Variants in SENP2 observed in about 807,000 individuals in gnomAD.
SENP2 encodes sentrin-specific protease 2.
A neutral mutation model predicts 86.3 loss-of-function variants in SENP2; 16 were observed. The ratio of observed to expected loss-of-function variants is 0.19; its 90% CI spans 0.13 to 0.28. The LOEUF is 0.28. Among genes scored for constraint, SENP2 ranks in the 10% least tolerant of loss-of-function variants. The pLI is 1.00. For missense variants in SENP2, 552 were observed against 703.0 expected, an observed-to-expected ratio of 0.79 and a Z score of 2.43; for synonymous variants, 222 against 238.7, an observed-to-expected ratio of 0.93 and a Z score of 0.64.
Position 185,600,998 on chromosome 3 carries a change from G to A in SENP2, c.449+143G>A, listed in dbSNP as rs555907311. On this transcript the variant is annotated intron_variant, in intron 5 of 16. Transcript: ENST00000296257. ...ACTTGCTGAATGTCATGCAGCCAGT[G>A]AGAGACTTGAACTTAGGGGTGTGTT... 8 of 572,034 alleles carry A rather than the reference G, an allele frequency of 1.4e-5. No homozygotes were observed. The East Asian group carries it at 2.1e-4, about 15-fold the overall frequency. The allele number at this position is 572,034 out of a possible 1,614,324, so 35.4% of individuals were successfully genotyped here.
intron 9 of SENP2, among the ~76,000 whole-genome samples, chr3:185,612,946 G>C (rs1722743298): frequency 6.6e-6 from 1 of 152,222 alleles, no homozygotes; most frequent in African/African-American, 2.4e-5. Context: ...AGTGTCTTTA[G>C]GATAGGAACA....
chr3:185,626,665 C>G (rs972120668), intron 16 of SENP2, among the ~76,000 whole-genome samples: 1 of 151,316 alleles, frequency 6.6e-6, no homozygotes, highest in African/African-American at 2.4e-5. Flanking sequence ...CCCAGCTACT[C>G]AGGAGACTGA....
Position 185,618,438 on chromosome 3 carries a change from T to A in SENP2, c.1242+827T>A, listed in dbSNP as rs182143576. On this transcript the variant is annotated intron_variant, in intron 12 of 16. Transcript: ENST00000296257. ...CGAACTGCTTAGCCCCTGCATGTTC[T>A]CTCTTTGAGGGAAGTCCCCTATGAC... is the stretch of plus-strand genomic sequence containing the variant. 1.5e-3 allele frequency among the ~76,000 whole-genome samples: 230 copies of A among 152,360 alleles called. 1 individual carries two copies. Among genetic ancestry groups the A allele is most frequent in the African/African-American group, 5.0e-3 (209 of 41,584 alleles).
At chr3:185,598,590 TA>T in intron 3 of SENP2, 45 bp downstream of exon 3, 1 of 1,551,786 alleles carries the variant, frequency 6.4e-7, no homozygotes, top group Non-Finnish European at 8.7e-7. Context: ...TCTTTATACT[TA>T]ATCATTATAT....
intron 14 of SENP2, 87 bp from the exon 15 acceptor site, chr3:185,623,911 G>T: frequency 3.3e-6 from 2 of 608,578 alleles, no homozygotes; most frequent in South Asian, 2.9e-5. Context: ...TGGCATATCT[G>T]TTTAACATCA....
chr3:185,621,273 A>AT (rs1226649865), intron 13 of SENP2, among the ~76,000 whole-genome samples: 1 of 146,860 alleles, frequency 6.8e-6, no homozygotes, highest in East Asian at 1.9e-4. Context: ...AGGACCACTA[A>AT]TTTTTTAACT....
intron 5 of SENP2, among the ~76,000 whole-genome samples, chr3:185,603,617 T>C (rs6444076): frequency 0.29 from 43,783 of 152,080 alleles, 6,726 homozygotes; most frequent in African/African-American, 0.39. Context: ...GATATTTGAA[T>C]ACGGGCTACA....
chr3:185,606,913 G>T, intron 6 of SENP2: 1 of 342,294 alleles, frequency 2.9e-6, no homozygotes, highest in Non-Finnish European at 5.7e-6. Context: ...AAAATTAAAA[G>T]ACTAAAAAGA....
chr3:185,628,559 T>C (rs1712257517), intron 16 of SENP2, among the ~76,000 whole-genome samples: 1 of 152,282 alleles, frequency 6.6e-6, no homozygotes, highest in Non-Finnish European at 1.5e-5. Flanking sequence ...CAGGCTGGAG[T>C]GCAATGGCGC....
At position 185,586,295 on chromosome 3, in the gene SENP2, A is replaced by G; in HGVS notation, c.-119A>G. ...TATCTGTGGGCTCTTGAATCGCGTC[A>G]CAAATCAGCGACCGAACTCTGGCGG... On this transcript the variant is annotated 5_prime_UTR_variant, in exon 1 of 17. Transcript: ENST00000296257. This position sits in a 1 kb window ranked among gnomAD's most constrained non-coding sequence, Gnocchi z 4.3. 6.4e-7 allele frequency: 1 copy of G among 1,556,454 alleles called. No homozygotes were observed. Among genetic ancestry groups the G allele is most frequent in the South Asian group, 1.2e-5 (1 of 84,782 alleles).
Position 185,609,433 on chromosome 3 carries a change from T to A in SENP2, c.722+83T>A. ...GAGAAAGTATTGGTGGGAAGGGCTT[T>A]ACTGAAAGAAGAGGTTAACCCTGAG... On this transcript the variant is annotated intron_variant, in intron 7 of 16. Coordinates refer to ENST00000296257, the MANE Select transcript of SENP2 (RefSeq NM_021627.3). The A allele has an allele frequency of 3.1e-6, 3 of 975,928 alleles. No homozygotes were observed. The South Asian group carries it at 4.2e-5, about 14-fold the overall frequency. The allele number at this position is 975,928 out of a possible 1,614,324, so 60.5% of individuals were successfully genotyped here.
intron 16 of SENP2, among the ~76,000 whole-genome samples, chr3:185,627,907 G>T (rs1455192707): frequency 1.3e-5 from 2 of 152,116 alleles, no homozygotes; most frequent in Non-Finnish European, 2.9e-5. Context: ...TGTATTCCAT[G>T]AATACAAACT....
chr3:185,615,030 G>C (rs1236605331), intron 11 of SENP2, among the ~76,000 whole-genome samples: 1 of 152,042 alleles, frequency 6.6e-6, no homozygotes, highest in Non-Finnish European at 1.5e-5. Context: ...CAAATATGTT[G>C]AGTTATATAG....
chr3:185,586,720 G>T lies in SENP2; in HGVS notation c.101+206G>T, dbSNP rs1384693378. Among the ~76,000 whole-genome samples, 2 of 152,186 alleles carry T rather than the reference G, an allele frequency of 1.3e-5. No individual in the cohort carries two copies. The highest frequency in any genetic ancestry group is 2.4e-5 in the African/African-American group (1 of 41,432). On this transcript the variant is annotated intron_variant, in intron 1 of 16. Coordinates refer to ENST00000296257, the MANE Select transcript of SENP2 (RefSeq NM_021627.3). This position sits in a 1 kb window ranked among gnomAD's most constrained non-coding sequence, Gnocchi z 4.3. Reference sequence around the variant, plus strand: ...TCTTCGTAGCGGCCGGTGATGGCAGGGTCTTTGACATTCTTGTCAGAGGCC... The same window carrying T: ...TCTTCGTAGCGGCCGGTGATGGCAGTGTCTTTGACATTCTTGTCAGAGGCC...
At chr3:185,589,843 T>A (rs535736932) in intron 1 of SENP2, among the ~76,000 whole-genome samples, 89 of 152,232 alleles carry the variant, frequency 5.8e-4, no homozygotes, top group African/African-American at 2.1e-3. Context: ...TTATTTATTT[T>A]TTTATCGTAG....
chr3:185,612,920 G>A, intron 9 of SENP2, among the ~76,000 whole-genome samples: 1 of 152,184 alleles, frequency 6.6e-6, no homozygotes, highest in Non-Finnish European at 1.5e-5. Flanking sequence ...TGGTTGGAGT[G>A]GGGATGTCTA....
chr3:185,623,956 T>A, intron 14 of SENP2, 42 bp from the exon 15 acceptor site: 2 of 1,189,720 alleles, frequency 1.7e-6, no homozygotes, highest in Non-Finnish European at 2.5e-6. Flanking sequence ...TTAATTTCTT[T>A]AGGGATTTAT....
chr3:185,598,893 A>T, intron 3 of SENP2, 65 bp from the exon 4 acceptor site: 2 of 1,281,734 alleles, frequency 1.6e-6, no homozygotes, highest in Non-Finnish European at 1.1e-6. Context: ...TTATCTTTTC[A>T]TAATAGAAAG....
intron 5 of SENP2, among the ~76,000 whole-genome samples, chr3:185,601,276 C>T (rs1159604486): frequency 6.6e-6 from 1 of 152,008 alleles, no homozygotes; most frequent in Non-Finnish European, 1.5e-5. Context: ...AACTCCTGAC[C>T]TCAGGTAATC....
Sources: gnomAD v4.1 joint callset for allele counts (sites outside exome capture counted in the v4.1 genomes callset) on GRCh38, gnomAD v4.1.1 for gene constraint, Gnocchi (gnomAD v3.1) non-coding constraint, MANE v1.5 for transcripts, NCBI Gene and HGNC (gene_info 2026-07-23, HGNC 2026-07-21) for gene names.